Variants in EDRF1 observed in about 807,000 individuals in gnomAD.
EDRF1 encodes the protein erythroid differentiation regulatory factor 1.
Under a neutral mutation model 148.7 loss-of-function variants are expected in EDRF1, and 69 were observed. The ratio of observed to expected loss-of-function variants is 0.46; its 90% CI spans 0.38 to 0.57. The LOEUF is 0.57. Ranked by LOEUF, EDRF1 falls within the 20% of genes least tolerant of loss-of-function variation. The probability of loss-of-function intolerance (pLI) is 0.00; values close to 1 mark genes in which losing one functional copy is unlikely to be tolerated. For synonymous variants in EDRF1, 515 were observed against 532.8 expected (o/e 0.97, Z 0.46); for missense variants, 1,118 against 1,478.7 (o/e 0.76, Z 4.00).
At chr10:125,741,237 G>A in intron 17 of EDRF1, 36 bp downstream of exon 17, 1 of 1,564,210 alleles carries the variant, frequency 6.4e-7, no homozygotes, top group Non-Finnish European at 8.8e-7. Context: ...GTTCACAGTG[G>A]GACTGTGCAG....
chr10:125,750,645 T>G (rs1418973022), intron 22 of EDRF1, among the ~76,000 whole-genome samples: 2 of 152,240 alleles, frequency 1.3e-5, no homozygotes, highest in Non-Finnish European at 2.9e-5. Context: ...TTGTTCCCTT[T>G]GGGGAGGAAA....
At chr10:125,745,951 T>G (rs766100148) in intron 19 of EDRF1, 21 bp downstream of exon 19, 1 of 1,610,266 alleles carries the variant, frequency 6.2e-7, no homozygotes, top group Admixed American at 1.7e-5. Context: ...CGCGTACATG[T>G]TGGGCCTCAC....
At position 125,753,713 on chromosome 10, in the gene EDRF1, C is replaced by G; in HGVS notation, c.3413C>G (p.Ala1138Gly). 6.2e-7 allele frequency: 1 copy of G among 1,614,036 alleles called. No homozygotes were observed. The highest frequency in any genetic ancestry group is 8.5e-7 in the Non-Finnish European group (1 of 1,180,036). ...TTTTAGCCTAAGAGTGGTGACGCCG[C>G]TGCAGCTGCTGATGCTTCTCCTAGT... ...EFGQPKSGDA[A>G]AAADASPSLN... is the part of the protein sequence containing the mutation. Residue 1138 changes from alanine to glycine, a missense_variant, in exon 24 of 25, where the codon GCT becomes GGT. Transcript: ENST00000356792.
At chr10:125,721,916 C>G (rs1408381368) in intron 2 of EDRF1, among the ~76,000 whole-genome samples, 1 of 152,160 alleles carries the variant, frequency 6.6e-6, no homozygotes, top group Non-Finnish European at 1.5e-5. Context: ...AGCCTGAGGT[C>G]TTATAGAGAA....
Position 125,741,164 on chromosome 10 carries a change from G to C in EDRF1, c.2334G>C (p.Glu778Asp), listed in dbSNP as rs1281768275. 2.2e-5 allele frequency: 36 copies of C among 1,614,092 alleles called. No individual in the cohort carries two copies. The highest frequency in any genetic ancestry group is 3.1e-5 in the Non-Finnish European group (36 of 1,180,046). ...EFHYQTKEDQ[E>D]ILHSLHRESS... ...ATTACCAAACAAAAGAAGACCAGGA[G>C]ATCCTGCATAGCCTTCACAGAGAGT... Residue 778 changes from glutamate (E) to aspartate (D), a missense_variant, in exon 17 of 25, where the codon GAG becomes GAC. Glu to Asp is a conservative substitution (Grantham distance 45, BLOSUM62 2). Transcript: ENST00000356792.
chr10:125,761,275 C>G (rs1275766445), intron 24 of EDRF1: 1 of 354,116 alleles, frequency 2.8e-6, no homozygotes, highest in Non-Finnish European at 5.6e-6. Flanking sequence ...TGGCATTGAC[C>G]TGCTAGAAAT....
intron 22 of EDRF1, 46 bp downstream of exon 22, chr10:125,749,611 T>A (rs1256086845): frequency 6.2e-7 from 1 of 1,604,492 alleles, no homozygotes; most frequent in Non-Finnish European, 8.5e-7. Flanking sequence ...ATTGGCTTAG[T>A]GCTGGATTGT....
intron 11 of EDRF1, 140 bp from the exon 12 acceptor site, chr10:125,733,932 G>A (rs1848603241): frequency 3.4e-6 from 3 of 886,034 alleles, no homozygotes; most frequent in South Asian, 3.0e-5. Flanking sequence ...ACGTTTTGGG[G>A]GTTGTGGGTA....
At chr10:125,727,947 AG>A (rs1355100286) in intron 6 of EDRF1, among the ~76,000 whole-genome samples, 2 of 152,148 alleles carry the variant, frequency 1.3e-5, no homozygotes, top group Non-Finnish European at 2.9e-5. Context: ...CTGTAATCCC[AG>A]CACTTTGGGA....
At chr10:125,746,257 T>C (rs1362605263) in intron 19 of EDRF1, among the ~76,000 whole-genome samples, 2 of 152,236 alleles carry the variant, frequency 1.3e-5, no homozygotes, top group African/African-American at 4.8e-5. Context: ...GCTTATATGA[T>C]AGGTTACAGA....
chr10:125,728,665 A>G (rs1246079687), intron 6 of EDRF1, among the ~76,000 whole-genome samples: 1 of 152,194 alleles, frequency 6.6e-6, no homozygotes, highest in Non-Finnish European at 1.5e-5. Flanking sequence ...CCAGTTTCTT[A>G]GGAATTTTTA....
chr10:125,752,989 G>GTGTGTA lies in EDRF1; in HGVS notation c.3393+81_3393+86dup, dbSNP rs1164817986. On this transcript the variant is annotated intron_variant, in intron 23 of 24. Coordinates refer to ENST00000356792, the MANE Select transcript of EDRF1 (RefSeq NM_001202438.2). ...TGGTGAATGTATATAGTGGACGTGT[G>GTGTGTA]TGTGTATGTGTGTGGGTATATATAC... is the stretch of plus-strand genomic sequence containing the variant. 4 of 959,052 alleles carry GTGTGTA rather than the reference G, an allele frequency of 4.2e-6. No homozygotes were observed. In the Admixed American group the frequency reaches 6.9e-5, roughly 17 times the overall value. 59.4% of individuals were successfully genotyped at this position (959,052 alleles called of 1,614,324 possible).
Position 125,747,847 on chromosome 10 carries a change from C to T in EDRF1, c.2974-16C>T. On this transcript the variant is annotated splice_polypyrimidine_tract_variant and intron_variant, in intron 20 of 24. Coordinates refer to ENST00000356792, the MANE Select transcript of EDRF1 (RefSeq NM_001202438.2). ...TTAGAAGCTTATTTTTTTCTTCCCC[C>T]TCAAAACAAGAACAGATTGAGAAAG... 2 of 1,612,252 alleles carry T rather than the reference C, an allele frequency of 1.2e-6. No individual in the cohort carries two copies. Among genetic ancestry groups the T allele is most frequent in the Non-Finnish European group, 1.7e-6 (2 of 1,179,424 alleles).
chr10:125,736,549 G>C (rs982067493), intron 13 of EDRF1, among the ~76,000 whole-genome samples: 3 of 152,052 alleles, frequency 2.0e-5, no homozygotes, highest in Non-Finnish European at 4.4e-5. Context: ...AAATACAGTC[G>C]TATTTACAGA....
chr10:125,725,230 A>T, intron 4 of EDRF1, 88 bp from the exon 5 acceptor site: 1 of 1,502,180 alleles, frequency 6.7e-7, no homozygotes, highest in Non-Finnish European at 9.2e-7. Flanking sequence ...TTCAAAAAAT[A>T]ATAGGAGCCT....
At chr10:125,758,008 T>C (rs904790135) in intron 24 of EDRF1, among the ~76,000 whole-genome samples, 11 of 152,256 alleles carry the variant, frequency 7.2e-5, no homozygotes, top group Non-Finnish European at 1.3e-4. Context: ...AGCTCTTGGA[T>C]ATTCCGTTCT....
intron 18 of EDRF1, chr10:125,744,894 C>T (rs527854373): frequency 6.6e-6 from 1 of 152,324 alleles, no homozygotes; most frequent in South Asian, 2.1e-4. Flanking sequence ...TACATACCTG[C>T]GATGAAGTTT....
At chr10:125,727,817 T>A (rs1848325910) in intron 6 of EDRF1, among the ~76,000 whole-genome samples, 1 of 152,184 alleles carries the variant, frequency 6.6e-6, no homozygotes, top group African/African-American at 2.4e-5. Context: ...TAGTATTTCT[T>A]AATGGCAGTA....
At chr10:125,753,895 TAA>T in intron 24 of EDRF1, 50 bp downstream of exon 24, 1 of 1,600,920 alleles carries the variant, frequency 6.2e-7, no homozygotes, top group Non-Finnish European at 8.5e-7. Flanking sequence ...ACCCTACCTA[TAA>T]AAATTTTCTC....
Sources: gnomAD v4.1 joint callset for allele counts (sites outside exome capture counted in the v4.1 genomes callset) on GRCh38, gnomAD v4.1.1 for gene constraint, MANE v1.5 for transcripts, NCBI Gene and HGNC (gene_info 2026-07-23, HGNC 2026-07-21) for gene names.